The following BABAM2 variants were observed in gnomAD, a reference collection of about 807,000 sequenced individuals.
The protein encoded by BABAM2 is BRISC and BRCA1-A complex member 2.
BABAM2 carries 31 observed loss-of-function variants against 54.7 expected under a neutral mutation model. The observed-to-expected ratio is 0.57, with a 90% CI of 0.43 to 0.77. The LOEUF (loss-of-function observed/expected upper bound fraction) is 0.77. Ranked by LOEUF, BABAM2 falls within the 30% of genes least tolerant of loss-of-function variation. The pLI is 0.00. For missense variants in BABAM2, 364 were observed against 455.8 expected (o/e 0.80, Z 1.83); for synonymous variants, 167 against 162.9 (o/e 1.03, Z -0.19).
chr2:28,282,517 T>A (rs1686447424), intron 10 of BABAM2, among the ~76,000 whole-genome samples: 1 of 152,158 alleles, frequency 6.6e-6, no homozygotes, highest in African/African-American at 2.4e-5. Context: ...AGATACAGCA[T>A]GGGCTCCAGA....
chr2:27,996,314 A>T (rs1167218343), intron 4 of BABAM2: 1 of 154,862 alleles, frequency 6.5e-6, no homozygotes, highest in Non-Finnish European at 1.5e-5. Flanking sequence ...AGTCGAAGCT[A>T]GTTTATGGCT....
chr2:28,124,596 T>C (rs1325671220), intron 6 of BABAM2, among the ~76,000 whole-genome samples: 1 of 152,190 alleles, frequency 6.6e-6, no homozygotes, highest in African/African-American at 2.4e-5. Flanking sequence ...AATCTCTAGA[T>C]GTAGAGAATA....
intron 3 of BABAM2, among the ~76,000 whole-genome samples, chr2:27,945,461 A>C (rs1050980886): frequency 1.3e-5 from 2 of 152,206 alleles, no homozygotes; most frequent in Non-Finnish European, 2.9e-5. Flanking sequence ...CTGTAGCTTT[A>C]TAGGAAGTCT....
chr2:28,150,702 A>G (rs1671942948), intron 7 of BABAM2, among the ~76,000 whole-genome samples: 1 of 152,190 alleles, frequency 6.6e-6, no homozygotes, highest in Admixed American at 6.5e-5. Flanking sequence ...AGCGCCAGCC[A>G]GTGAAGTCAG....
At chr2:28,243,892 T>C (rs923733016) in intron 9 of BABAM2, among the ~76,000 whole-genome samples, 1 of 152,196 alleles carries the variant, frequency 6.6e-6, no homozygotes, top group African/African-American at 2.4e-5. Context: ...AGTGGTCTGA[T>C]TGGCCTGGTT....
rs561221687 is a variant in BABAM2, at chr2:28,296,781, G to A, written c.935-1557G>A. 6.6e-5 allele frequency among the ~76,000 whole-genome samples: 10 copies of A among 152,182 alleles called. No individual in the cohort carries two copies. The East Asian group carries it at 7.7e-4, about 12-fold the overall frequency. On this transcript the variant is annotated intron_variant, in intron 10 of 11. Coordinates refer to ENST00000379624, the MANE Select transcript of BABAM2 (RefSeq NM_199191.3). ...CAGCTCACTGCAGCATCCGCCTCCC[G>A]GATTCAAGCGATTCTTCTGCCTCAG...
rs146778834 is a variant in BABAM2 at position 28,299,388 on chromosome 2, C to T, written c.1088+897C>T. Among the ~76,000 whole-genome samples the T allele has an allele frequency of 3.2e-4, 49 of 152,222 alleles. No homozygotes were observed. In the East Asian group the frequency reaches 9.1e-3, roughly 28 times the overall value. On this transcript the variant is annotated intron_variant, in intron 11 of 11. Transcript: ENST00000379624. ...GAACATCAGTCTTCATAAACCATGA[C>T]CTCCTAGATTGAAGAAGCAGTGGAT...
chr2:27,916,067 G>A (rs1286718753), intron 2 of BABAM2, among the ~76,000 whole-genome samples: 3 of 152,136 alleles, frequency 2.0e-5, no homozygotes, highest in Admixed American at 6.5e-5. Flanking sequence ...AGCTAATCAG[G>A]GTGAGATCAA....
intron 7 of BABAM2, among the ~76,000 whole-genome samples, chr2:28,212,910 G>A (rs180908511): frequency 6.6e-6 from 1 of 152,188 alleles, no homozygotes; most frequent in African/African-American, 2.4e-5. Context: ...CTTACCAAAA[G>A]GTGCTAGGCA....
intron 10 of BABAM2, among the ~76,000 whole-genome samples, chr2:28,284,221 G>A (rs927641826): frequency 1.3e-5 from 2 of 152,140 alleles, no homozygotes; most frequent in Non-Finnish European, 2.9e-5. Context: ...TGCTATCAAA[G>A]AGGAACATTA....
chr2:28,070,380 T>C (rs1664010253), intron 6 of BABAM2, among the ~76,000 whole-genome samples: 1 of 152,154 alleles, frequency 6.6e-6, no homozygotes, highest in Non-Finnish European at 1.5e-5. Context: ...TTTCTGTGGA[T>C]TGAAGCTACT....
At chr2:28,016,034 C>T (rs1256315864) in intron 4 of BABAM2, 2 of 653,794 alleles carry the variant, frequency 3.1e-6, no homozygotes, top group South Asian at 3.1e-5. Flanking sequence ...TCCTTACTGT[C>T]TGATTCAGTT....
chr2:28,239,854 G>T (rs1476463054), intron 8 of BABAM2, among the ~76,000 whole-genome samples: 1 of 152,196 alleles, frequency 6.6e-6, no homozygotes, highest in Non-Finnish European at 1.5e-5. Flanking sequence ...GCTTCAGAGG[G>T]TATGTCCATA....
At chr2:27,942,688 G>A (rs780619602) in intron 3 of BABAM2, among the ~76,000 whole-genome samples, 8 of 151,886 alleles carry the variant, frequency 5.3e-5, no homozygotes, top group Non-Finnish European at 8.8e-5. Flanking sequence ...AATGTAATAG[G>A]CTGTTCTTTA....
At chr2:28,225,852 CTT>C (rs762749028) in intron 7 of BABAM2, among the ~76,000 whole-genome samples, 11 of 151,806 alleles carry the variant, frequency 7.2e-5, no homozygotes, top group Non-Finnish European at 1.5e-4. Context: ...CAAAGGGCCT[CTT>C]TTCATTTTTG....
intron 3 of BABAM2, among the ~76,000 whole-genome samples, chr2:27,941,577 T>G (rs1204541249): frequency 6.6e-6 from 1 of 151,534 alleles, no homozygotes. Context: ...AAGAGCAATA[T>G]AGTTGTTTAT....
chr2:28,032,838 A>G (rs1676396478), intron 5 of BABAM2, among the ~76,000 whole-genome samples: 1 of 152,106 alleles, frequency 6.6e-6, no homozygotes. Context: ...AAATAATTAT[A>G]GATATATAGG....
intron 10 of BABAM2, among the ~76,000 whole-genome samples, chr2:28,289,066 GCACA>G (rs371231392): frequency 2.7e-5 from 4 of 146,912 alleles, no homozygotes; most frequent in African/African-American, 7.5e-5. Flanking sequence ...ATACACACGC[GCACA>G]CACACACACA....
intron 3 of BABAM2, among the ~76,000 whole-genome samples, chr2:27,974,997 C>T (rs1286052005): frequency 6.6e-6 from 1 of 151,542 alleles, no homozygotes; most frequent in African/African-American, 2.4e-5. Flanking sequence ...TACCTTCCTG[C>T]CAAAAAAATG....
Sources: allele counts gnomAD v4.1 joint callset (sites outside exome capture counted in the v4.1 genomes callset), GRCh38; gene constraint gnomAD v4.1.1; transcripts MANE v1.5; gene names NCBI Gene and HGNC (gene_info 2026-07-23, HGNC 2026-07-21).